The following CSMD3 variants were observed in gnomAD, a reference collection of about 807,000 sequenced individuals.
The protein encoded by CSMD3 is CUB and sushi domain-containing protein 3.
Under a neutral mutation model 435.2 loss-of-function variants are expected in CSMD3, and 177 were observed. That is an observed-to-expected ratio of 0.41 (90% confidence interval 0.36 to 0.46). The LOEUF is 0.46. Among genes scored for constraint, CSMD3 ranks in the 20% least tolerant of loss-of-function variants. The pLI, the probability that CSMD3 is intolerant of heterozygous loss-of-function variation, is 0.34. For synonymous variants in CSMD3, 1,656 were observed against 1,520.5 expected (o/e 1.09, Z -2.07); for missense variants, 4,265 against 4,504.6 (o/e 0.95, Z 1.52).
intron 68 of CSMD3, among the ~76,000 whole-genome samples, chr8:112,232,662 A>T (rs776851474): frequency 6.6e-6 from 1 of 152,242 alleles, no homozygotes; most frequent in Non-Finnish European, 1.5e-5. Context: ...ATATATGTGC[A>T]CATATATTAA....
chr8:113,121,519 G>T (rs2090985054), intron 4 of CSMD3, among the ~76,000 whole-genome samples: 1 of 152,052 alleles, frequency 6.6e-6, no homozygotes, highest in Non-Finnish European at 1.5e-5. Context: ...TCTCCCTAAG[G>T]AATAAAACAG....
At chr8:112,903,878 A>G (rs1204658660) in intron 10 of CSMD3, among the ~76,000 whole-genome samples, 2 of 151,288 alleles carry the variant, frequency 1.3e-5, no homozygotes, top group South Asian at 2.1e-4. Context: ...ACAAATGCCA[A>G]CTTTCTAGTT....
At chr8:112,604,837 A>G (rs932714809) in intron 22 of CSMD3, among the ~76,000 whole-genome samples, 9 of 152,212 alleles carry the variant, frequency 5.9e-5, no homozygotes, top group Non-Finnish European at 1.0e-4. Flanking sequence ...GTATTAACTG[A>G]GTAAACAGAC....
chr8:113,003,966 C>A (rs1367823556), intron 6 of CSMD3, among the ~76,000 whole-genome samples: 1 of 151,822 alleles, frequency 6.6e-6, no homozygotes, highest in East Asian at 1.9e-4. Context: ...CAATTCCCCC[C>A]AAAAAAGTAA....
chr8:113,001,524 T>G (rs2131072179), intron 6 of CSMD3, among the ~76,000 whole-genome samples: 1 of 152,226 alleles, frequency 6.6e-6, no homozygotes, highest in Admixed American at 6.6e-5. Flanking sequence ...TATGATAATA[T>G]GTTCCCTGGC....
intron 1 of CSMD3, among the ~76,000 whole-genome samples, chr8:113,359,844 C>T (rs1380106776): frequency 6.6e-6 from 1 of 152,154 alleles, no homozygotes; most frequent in Non-Finnish European, 1.5e-5. Context: ...TGGTGGGATA[C>T]AACCTACTTA....
chr8:113,061,007 T>C (rs2088589092), intron 5 of CSMD3, among the ~76,000 whole-genome samples: 1 of 152,206 alleles, frequency 6.6e-6, no homozygotes, highest in African/African-American at 2.4e-5. Flanking sequence ...TTTAAGTAGC[T>C]GCACTCTATT....
At chr8:113,041,004 G>A (rs59097425) in intron 5 of CSMD3, among the ~76,000 whole-genome samples, 18,481 of 151,798 alleles carry the variant, frequency 0.12, 1,968 homozygotes, top group African/African-American at 0.28. Flanking sequence ...AGGATTTCGA[G>A]ACCAGTCTGG....
At chr8:112,601,402 C>G (rs1404794610) in intron 22 of CSMD3, among the ~76,000 whole-genome samples, 1 of 151,980 alleles carries the variant, frequency 6.6e-6, no homozygotes, top group Non-Finnish European at 1.5e-5. Context: ...TCTCCAGGCC[C>G]AAGACACTCA....
intron 13 of CSMD3, among the ~76,000 whole-genome samples, chr8:112,780,717 T>A (rs1429351234): frequency 6.6e-6 from 1 of 151,752 alleles, no homozygotes; most frequent in East Asian, 1.9e-4. Context: ...CCTGTCAGAG[T>A]GGAAAGCAAC....
chr8:112,872,387 A>G (rs2081160669), intron 10 of CSMD3, among the ~76,000 whole-genome samples: 1 of 152,032 alleles, frequency 6.6e-6, no homozygotes, highest in South Asian at 2.1e-4. Context: ...AATGCACCCG[A>G]AGTAGGGAAC....
chr8:112,595,123 T>A (rs1363900311), intron 22 of CSMD3, among the ~76,000 whole-genome samples: 1 of 146,728 alleles, frequency 6.8e-6, no homozygotes. Context: ...TTGAAAAAAA[T>A]TTAGAAGAAT....
intron 24 of CSMD3, among the ~76,000 whole-genome samples, chr8:112,568,387 G>A (rs1169154794): frequency 6.6e-6 from 1 of 152,042 alleles, no homozygotes; most frequent in Non-Finnish European, 1.5e-5. Context: ...GAGGTCAGGA[G>A]TTCGAGACCA....
chr8:112,410,153 C>T (rs12677056), intron 32 of CSMD3, among the ~76,000 whole-genome samples: 28,282 of 151,674 alleles, frequency 0.19, 3,202 homozygotes, highest in Middle Eastern at 0.36. Flanking sequence ...CAGGTATACA[C>T]ATAATATGGC....
At chr8:112,819,789 T>C (rs1011978620) in intron 12 of CSMD3, among the ~76,000 whole-genome samples, 1 of 152,192 alleles carries the variant, frequency 6.6e-6, no homozygotes, top group Non-Finnish European at 1.5e-5. Context: ...ATGAAGTATT[T>C]ATACTTTGAT....
chr8:112,779,764 A>G lies in CSMD3; in HGVS notation c.1972+20398T>C, dbSNP rs531413742. Among the ~76,000 whole-genome samples the G allele has an allele frequency of 1.7e-3, 263 of 152,180 alleles. 1 individual carries two copies. Among genetic ancestry groups the G allele is most frequent in the African/African-American group, 6.0e-3 (249 of 41,562 alleles). On this transcript the variant is annotated intron_variant, in intron 13 of 70. Transcript: ENST00000297405. ...ATTTTATTCTAAAATTCTGAATGAAAATTATCAAGATTTCTTTCTCATGTG... is the reference window on the plus strand; with the variant it reads ...ATTTTATTCTAAAATTCTGAATGAAGATTATCAAGATTTCTTTCTCATGTG...
chr8:112,412,964 C>A (rs1811512351), intron 32 of CSMD3, among the ~76,000 whole-genome samples: 1 of 152,072 alleles, frequency 6.6e-6, no homozygotes. Context: ...TACATATTTC[C>A]ATGAAGAGTA....
intron 11 of CSMD3, among the ~76,000 whole-genome samples, chr8:112,836,053 T>TG (rs2080014744): frequency 6.6e-6 from 1 of 151,846 alleles, no homozygotes; most frequent in African/African-American, 2.4e-5. Flanking sequence ...GGATAGCCTA[T>TG]GTTTTAGCCA....
At chr8:112,490,677 A>C (rs187740140) in intron 31 of CSMD3, among the ~76,000 whole-genome samples, 10 of 152,228 alleles carry the variant, frequency 6.6e-5, no homozygotes, top group Admixed American at 2.6e-4. Flanking sequence ...TGGCTCCTGG[A>C]AATTTTTCAG....
Sources: gnomAD v4.1 joint callset for allele counts (sites outside exome capture counted in the v4.1 genomes callset) on GRCh38, gnomAD v4.1.1 for gene constraint, MANE v1.5 for transcripts, NCBI Gene and HGNC (gene_info 2026-07-23, HGNC 2026-07-21) for gene names.